RSRC1: variants seen among roughly 807,000 people sequenced by gnomAD.
The protein encoded by RSRC1 is arginine and serine rich coiled-coil 1.
In RSRC1, 39 loss-of-function variants were observed where a neutral mutation model predicts 49.1. That is an observed-to-expected ratio of 0.79 (90% confidence interval 0.61 to 1.04). The LOEUF (loss-of-function observed/expected upper bound fraction) is 1.04, where lower values mean the gene tolerates loss of function less well. Ranked by LOEUF, RSRC1 falls within the 50% of genes least tolerant of loss-of-function variation. The probability of loss-of-function intolerance (pLI) is 0.00; values close to 1 mark genes in which losing one functional copy is unlikely to be tolerated. For missense variants in RSRC1, 388 were observed against 402.4 expected (o/e 0.96, Z 0.31); for synonymous variants, 143 against 130.8 (o/e 1.09, Z -0.63).
chr3:158,469,237 A>G (rs183760744), intron 7 of RSRC1: 10 of 330,124 alleles, frequency 3.0e-5, no homozygotes, highest in Middle Eastern at 1.1e-3. Flanking sequence ...TCTAAAAACT[A>G]CATTATGTTT....
intron 4 of RSRC1, among the ~76,000 whole-genome samples, chr3:158,238,842 G>T (rs1723394646): frequency 6.6e-6 from 1 of 152,130 alleles, no homozygotes; most frequent in South Asian, 2.1e-4. Flanking sequence ...AAAAGCAGTG[G>T]CAACAAAAGC....
chr3:158,366,985 A>G (rs1321213341), intron 6 of RSRC1, among the ~76,000 whole-genome samples: 1 of 152,116 alleles, frequency 6.6e-6, no homozygotes. Flanking sequence ...ATTTTTGCAT[A>G]TTGATTTTAT....
intron 6 of RSRC1, among the ~76,000 whole-genome samples, chr3:158,406,738 A>G (rs539417177): frequency 2.6e-5 from 4 of 152,238 alleles, no homozygotes; most frequent in Non-Finnish European, 4.4e-5. Flanking sequence ...TTGCTTGTCC[A>G]TGAGCACTAA....
chr3:158,393,997 C>CAGA (rs1489480726), intron 6 of RSRC1, among the ~76,000 whole-genome samples: 1 of 152,082 alleles, frequency 6.6e-6, no homozygotes, highest in African/African-American at 2.4e-5. Flanking sequence ...AAGGTTGATT[C>CAGA]AGCACATGCA....
chr3:158,531,990 GTTT>G (rs10553286), intron 7 of RSRC1, among the ~76,000 whole-genome samples: 25,702 of 151,378 alleles, frequency 0.17, 2,373 homozygotes, highest in African/African-American at 0.24. Context: ...ACATTTCAAA[GTTT>G]TTTATTATCT....
At chr3:158,381,789 A>G (rs1177703106) in intron 6 of RSRC1, among the ~76,000 whole-genome samples, 3 of 152,190 alleles carry the variant, frequency 2.0e-5, no homozygotes, top group Non-Finnish European at 1.5e-5. Flanking sequence ...GATAAAAAAT[A>G]ATGCACTTGA....
chr3:158,333,162 G>A (rs1729658360), intron 5 of RSRC1, among the ~76,000 whole-genome samples: 4 of 151,974 alleles, frequency 2.6e-5, no homozygotes, highest in African/African-American at 9.7e-5. Context: ...TAGAGACAGG[G>A]TTTCACCATG....
intron 7 of RSRC1, among the ~76,000 whole-genome samples, chr3:158,517,528 C>A (rs1183932407): frequency 1.3e-5 from 2 of 151,150 alleles, no homozygotes; most frequent in Non-Finnish European, 2.9e-5. Context: ...CCCTTTGCTT[C>A]AGATCAGAGA....
chr3:158,288,428 A>G (rs1295113783), intron 4 of RSRC1, among the ~76,000 whole-genome samples: 4 of 152,192 alleles, frequency 2.6e-5, no homozygotes, highest in African/African-American at 9.7e-5. Context: ...ACAACTGGCC[A>G]TGACTCCTTA....
chr3:158,525,764 C>T (rs1481545502), intron 7 of RSRC1, among the ~76,000 whole-genome samples: 1 of 151,868 alleles, frequency 6.6e-6, no homozygotes, highest in African/African-American at 2.4e-5. Flanking sequence ...ATCTCAGAAA[C>T]GTTATGCTGA....
rs528510704 is a variant in RSRC1 at position 158,470,211 on chromosome 3, G to A, written c.652+9208G>A. Among the ~76,000 whole-genome samples the A allele has an allele frequency of 2.6e-5, 4 of 151,772 alleles. No individual in the cohort carries two copies. In the East Asian group the frequency reaches 5.8e-4, roughly 22 times the overall value. ...AATACATATTGTTAGCATCACTGGC[G>A]GACTTATGAACTTTGATATTACTCT... is the stretch of plus-strand genomic sequence containing the variant. On this transcript the variant is annotated intron_variant, in intron 7 of 9. Transcript: ENST00000611884.
At chr3:158,419,118 A>G (rs1250193522) in intron 6 of RSRC1, among the ~76,000 whole-genome samples, 1 of 151,998 alleles carries the variant, frequency 6.6e-6, no homozygotes, top group Non-Finnish European at 1.5e-5. Context: ...TATTACAAGT[A>G]TATTTAAATT....
At chr3:158,199,721 A>G (rs1720916391) in intron 3 of RSRC1, among the ~76,000 whole-genome samples, 1 of 152,092 alleles carries the variant, frequency 6.6e-6, no homozygotes, top group Admixed American at 6.6e-5. Context: ...TTTCATTTTC[A>G]TTCAGTTCAA....
intron 3 of RSRC1, among the ~76,000 whole-genome samples, chr3:158,160,222 G>T (rs528744151): frequency 2.0e-5 from 3 of 152,044 alleles, no homozygotes; most frequent in African/African-American, 7.2e-5. Flanking sequence ...CTTTCCTGAA[G>T]GCGCTGTTTT....
intron 6 of RSRC1, among the ~76,000 whole-genome samples, chr3:158,448,764 A>G (rs1736867266): frequency 1.3e-5 from 2 of 152,088 alleles, no homozygotes; most frequent in South Asian, 2.1e-4. Flanking sequence ...CAATAAAAAG[A>G]AAGAGCACAT....
intron 7 of RSRC1, among the ~76,000 whole-genome samples, chr3:158,536,142 A>G (rs540093546): frequency 6.6e-6 from 1 of 151,612 alleles, no homozygotes; most frequent in South Asian, 2.1e-4. Context: ...GCATCCTGAT[A>G]TGATGTAGTA....
At chr3:158,522,264 C>A (rs1437357617) in intron 7 of RSRC1, among the ~76,000 whole-genome samples, 2 of 152,030 alleles carry the variant, frequency 1.3e-5, no homozygotes, top group Non-Finnish European at 2.9e-5. Flanking sequence ...TACAGCTTGG[C>A]CAACTGTATT....
At chr3:158,511,604 G>A (rs1473599509) in intron 7 of RSRC1, among the ~76,000 whole-genome samples, 30 of 152,146 alleles carry the variant, frequency 2.0e-4, no homozygotes, top group Non-Finnish European at 5.9e-5. Flanking sequence ...TGTCTTTATA[G>A]CAGCATGATT....
chr3:158,348,566 G>GT (rs1415113307), intron 5 of RSRC1, among the ~76,000 whole-genome samples: 2 of 144,778 alleles, frequency 1.4e-5, no homozygotes, highest in East Asian at 4.3e-4. Flanking sequence ...GTTTTTGTGT[G>GT]TTTTTTTAAA....
Sources: allele counts gnomAD v4.1 joint callset (sites outside exome capture counted in the v4.1 genomes callset), GRCh38; gene constraint gnomAD v4.1.1; transcripts MANE v1.5; gene names NCBI Gene and HGNC (gene_info 2026-07-23, HGNC 2026-07-21).